The following TRPM3 variants were observed in gnomAD, a reference collection of about 807,000 sequenced individuals.
TRPM3 encodes transient receptor potential cation channel subfamily M member 3, also known as long transient receptor potential channel 3.
Under a neutral mutation model 181.2 loss-of-function variants are expected in TRPM3, and 77 were observed. The observed-to-expected ratio is 0.42, with a 90% CI of 0.35 to 0.51. The LOEUF is 0.51. Ranked by LOEUF, TRPM3 falls within the 20% of genes least tolerant of loss-of-function variation. The pLI is 0.01. For missense variants in TRPM3, 1,759 were observed against 2,196.7 expected, an observed-to-expected ratio of 0.80 and a Z score of 3.98; for synonymous variants, 745 against 796.4, an observed-to-expected ratio of 0.94 and a Z score of 1.09.
intron 7 of TRPM3, chr9:70,776,353 T>A (rs751826084): frequency 1.5e-6 from 1 of 659,336 alleles, no homozygotes; most frequent in Non-Finnish European, 2.8e-6. Context: ...GAGCTTCCAA[T>A]GCTGGCCCCT....
At chr9:71,171,330 C>A (rs969881956) in intron 1 of TRPM3, among the ~76,000 whole-genome samples, 1 of 152,152 alleles carries the variant, frequency 6.6e-6, no homozygotes, top group Non-Finnish European at 1.5e-5. Flanking sequence ...GTCACCCACA[C>A]CTATTCGCAC....
intron 1 of TRPM3, among the ~76,000 whole-genome samples, chr9:71,234,838 C>T (rs2081268570): frequency 6.6e-6 from 1 of 152,200 alleles, no homozygotes; most frequent in African/African-American, 2.4e-5. Flanking sequence ...TTCTTTACTA[C>T]AGGTGTTCTC....
chr9:70,696,875 G>A (rs1438685107), intron 8 of TRPM3, among the ~76,000 whole-genome samples: 1 of 152,112 alleles, frequency 6.6e-6, no homozygotes, highest in Non-Finnish European at 1.5e-5. Context: ...CAGGTGCTGG[G>A]CGCTGTTCTT....
At chr9:71,207,533 G>A (rs974545553) in intron 1 of TRPM3, among the ~76,000 whole-genome samples, 1 of 151,954 alleles carries the variant, frequency 6.6e-6, no homozygotes, top group Non-Finnish European at 1.5e-5. Flanking sequence ...AGTGATTTTT[G>A]GCACAAGAGA....
At chr9:71,145,207 A>G (rs2075338054) in intron 1 of TRPM3, among the ~76,000 whole-genome samples, 1 of 152,188 alleles carries the variant, frequency 6.6e-6, no homozygotes, top group Non-Finnish European at 1.5e-5. Context: ...TGTGAAGTCA[A>G]AAAGGATATT....
intron 1 of TRPM3, among the ~76,000 whole-genome samples, chr9:70,925,761 C>T (rs1445914047): frequency 3.3e-5 from 5 of 152,034 alleles, no homozygotes; most frequent in Non-Finnish European, 7.4e-5. Flanking sequence ...TATCTCCTTT[C>T]AGCCAGCGCG....
chr9:71,155,168 A>T (rs1191424549), intron 1 of TRPM3, among the ~76,000 whole-genome samples: 1 of 152,168 alleles, frequency 6.6e-6, no homozygotes. Context: ...AAACAATGAT[A>T]CATGTAGACT....
rs1218026971 is a variant in TRPM3, at chr9:70,595,294, G to GA, written c.3048+3124dup. On this transcript the variant is annotated intron_variant, in intron 21 of 25. Coordinates refer to ENST00000677713, the MANE Select transcript of TRPM3 (RefSeq NM_001366145.2). ...TTAAAATAAAATAAGGTAGCAATCA[G>GA]AAAAAACATCCAATCTGATTATGTA... is the stretch of plus-strand genomic sequence containing the variant. 3.3e-5 allele frequency among the ~76,000 whole-genome samples: 5 copies of GA among 152,164 alleles called. No individual in the cohort carries two copies. In the South Asian group the frequency reaches 6.2e-4, roughly 19 times the overall value.
intron 1 of TRPM3, among the ~76,000 whole-genome samples, chr9:71,366,481 G>A (rs897422766): frequency 1.3e-5 from 2 of 152,058 alleles, no homozygotes; most frequent in African/African-American, 4.8e-5. Flanking sequence ...GTGGTATGAG[G>A]GTAGGAGAGA....
intron 6 of TRPM3, among the ~76,000 whole-genome samples, chr9:70,792,427 G>T (rs1020061173): frequency 6.6e-6 from 1 of 151,644 alleles, no homozygotes; most frequent in African/African-American, 2.4e-5. Context: ...CCAGGAAGAG[G>T]GAAGGAAGTG....
intron 8 of TRPM3, among the ~76,000 whole-genome samples, chr9:70,749,536 G>T (rs1436223579): frequency 6.6e-6 from 1 of 152,034 alleles, no homozygotes; most frequent in Non-Finnish European, 1.5e-5. Flanking sequence ...TCTTATTTTG[G>T]AAACTATAGG....
intron 1 of TRPM3, among the ~76,000 whole-genome samples, chr9:71,015,626 G>A (rs2097778236): frequency 6.6e-6 from 1 of 151,982 alleles, no homozygotes; most frequent in Admixed American, 6.6e-5. Flanking sequence ...ATTTAAAGAG[G>A]GTTTCCCTTA....
At chr9:70,911,665 G>T (rs2096539433) in intron 1 of TRPM3, among the ~76,000 whole-genome samples, 2 of 152,072 alleles carry the variant, frequency 1.3e-5, no homozygotes, top group Non-Finnish European at 2.9e-5. Flanking sequence ...TATGTCAGTA[G>T]CCTCCCCTCT....
At chr9:70,969,756 T>TTTTATA (rs1554785328) in intron 1 of TRPM3, among the ~76,000 whole-genome samples, 1 of 126,590 alleles carries the variant, frequency 7.9e-6, no homozygotes, top group African/African-American at 2.8e-5. Flanking sequence ...CTGAATGATT[T>TTTTATA]TATATATATA....
intron 1 of TRPM3, among the ~76,000 whole-genome samples, chr9:71,390,107 T>C (rs59616840): frequency 0.02 from 3,047 of 152,080 alleles, 106 homozygotes; most frequent in African/African-American, 0.07. Context: ...TATCAGTAGA[T>C]AGTTAGGTAT....
At chr9:70,949,848 T>C (rs2096978600) in intron 1 of TRPM3, among the ~76,000 whole-genome samples, 1 of 152,190 alleles carries the variant, frequency 6.6e-6, no homozygotes, top group African/African-American at 2.4e-5. Context: ...CATTCTTTTC[T>C]AGTGGTGGAA....
At chr9:71,272,538 A>G (rs2132135900) in intron 1 of TRPM3, among the ~76,000 whole-genome samples, 1 of 152,286 alleles carries the variant, frequency 6.6e-6, no homozygotes, top group Non-Finnish European at 1.5e-5. Flanking sequence ...TGGGAGATAC[A>G]AAGATGAAAC....
Position 70,534,259 on chromosome 9 carries a change from TAGTG to T in TRPM3, c.*1690_*1693del, listed in dbSNP as rs760035911. On this transcript the variant is annotated 3_prime_UTR_variant, in exon 26 of 26. Coordinates refer to ENST00000677713, the MANE Select transcript of TRPM3 (RefSeq NM_001366145.2). ...AGCGAGACTAAATGAGATGTCCTGA[TAGTG>T]AGTGATTTCAGACAAAAAAGGGCAG... The T allele has an allele frequency of 6.6e-5, 10 of 152,326 alleles. No homozygotes were observed. Among genetic ancestry groups the T allele is most frequent in the East Asian group, 1.9e-4 (1 of 5,190 alleles). The allele number at this position is 152,326 out of a possible 1,614,324, so 9.4% of individuals were successfully genotyped here.
In TRPM3 at chr9:71,198,961, G is replaced by T. The variant is rs1276011384; in HGVS notation, c.183+247692C>A. Among the ~76,000 whole-genome samples, 4 of 120,754 alleles carry T rather than the reference G, an allele frequency of 3.3e-5. No homozygotes were observed. In the East Asian group the frequency reaches 1.0e-3, roughly 32 times the overall value. 79.2% of individuals were successfully genotyped at this position (120,754 alleles called of 152,430 possible). The stretch of plus-strand genomic sequence containing the variant: ...TCCCTGTCTTGTGCCAGTTTTCAAA[G>T]GGAATGCTTCCAGTTTTTGCCCATT... On this transcript the variant is annotated intron_variant, in intron 1 of 24. Coordinates refer to the TRPM3 transcript ENST00000357533.
Sources: gnomAD v4.1 joint callset for allele counts (sites outside exome capture counted in the v4.1 genomes callset) on GRCh38, gnomAD v4.1.1 for gene constraint, MANE v1.5 for transcripts, NCBI Gene and HGNC (gene_info 2026-07-23, HGNC 2026-07-21) for gene names.